The following PTPRN2 variants were observed in gnomAD, a reference collection of about 807,000 sequenced individuals.
PTPRN2 encodes receptor-type tyrosine-protein phosphatase N2.
PTPRN2 carries 74 observed loss-of-function variants against 118.8 expected under a neutral mutation model. The observed-to-expected ratio is 0.62, with a 90% CI of 0.52 to 0.76. The LOEUF (loss-of-function observed/expected upper bound fraction) is 0.76. PTPRN2 is among the 30% of genes least tolerant of loss of function. The pLI is 0.00. For synonymous variants in PTPRN2, 641 were observed against 608.0 expected (o/e 1.05, Z -0.80); for missense variants, 1,481 against 1,394.4 (o/e 1.06, Z -0.99).
intron 11 of PTPRN2, among the ~76,000 whole-genome samples, chr7:157,957,813 T>C (rs1801279530): frequency 6.6e-6 from 1 of 152,112 alleles, no homozygotes; most frequent in African/African-American, 2.4e-5. Flanking sequence ...TTACCAAACA[T>C]TTAAAGAAGG....
rs1273179429 is a variant in PTPRN2, at chr7:157,676,694, TG to T, written c.2001+6030del. 1.3e-5 allele frequency among the ~76,000 whole-genome samples: 2 copies of T among 152,194 alleles called. No homozygotes were observed. Among genetic ancestry groups the T allele is most frequent in the East Asian group, 3.9e-4 (2 of 5,182 alleles). ...CTCTCAGTTTATCTGCTGCTGACTT[TG>T]CCCCCTTGTAAAACAGGGTTGGGAG... is the stretch of plus-strand genomic sequence containing the variant. On this transcript the variant is annotated intron_variant, in intron 13 of 22. Transcript: ENST00000389418. The surrounding 1 kb of genome is among the most constrained non-coding windows in gnomAD (Gnocchi z 5.6).
At chr7:158,214,509 A>C (rs1365896399) in intron 3 of PTPRN2, among the ~76,000 whole-genome samples, 1 of 152,060 alleles carries the variant, frequency 6.6e-6, no homozygotes, top group Non-Finnish European at 1.5e-5. Flanking sequence ...AGATATTAAC[A>C]GCTCTACCCC....
chr7:158,561,767 G>A (rs1827399260), intron 1 of PTPRN2, among the ~76,000 whole-genome samples: 1 of 152,172 alleles, frequency 6.6e-6, no homozygotes, highest in African/African-American at 2.4e-5. Flanking sequence ...CTTCCGACAG[G>A]GGAGATGGCC....
Position 157,599,833 on chromosome 7 carries a change from C to T in PTPRN2, c.2418+4169G>A, listed in dbSNP as rs150198550. ...GCACACACCTCATCTGTAGGTATTT[C>T]TACCTGCCCACCTCTCCACCTGCCC... On this transcript the variant is annotated intron_variant, in intron 16 of 22. Transcript: ENST00000389418. 2.8e-3 allele frequency among the ~76,000 whole-genome samples: 420 copies of T among 151,888 alleles called. 4 individuals are homozygous for T. The highest frequency in any genetic ancestry group is 9.5e-3 in the African/African-American group (393 of 41,324).
Position 157,609,428 on chromosome 7 carries a change from T to G in PTPRN2, c.2345-5353A>C, listed in dbSNP as rs370071551. On this transcript the variant is annotated intron_variant, in intron 15 of 22. Transcript: ENST00000389418. The surrounding 1 kb of genome is among the most constrained non-coding windows in gnomAD (Gnocchi z 4.9). Reference sequence around the variant, plus strand: ...TATAAAAAAAAAGAGTATTTCAAATTTCTCAGATGTTCCATATTTTCACGG... The same window carrying G: ...TATAAAAAAAAAGAGTATTTCAAATGTCTCAGATGTTCCATATTTTCACGG... Among the ~76,000 whole-genome samples the G allele has an allele frequency of 1.8e-4, 27 of 152,230 alleles. No individual in the cohort carries two copies. Among genetic ancestry groups the G allele is most frequent in the Middle Eastern group, 3.4e-3 (1 of 294 alleles).
intron 2 of PTPRN2, among the ~76,000 whole-genome samples, chr7:158,368,226 G>C (rs987932317): frequency 6.6e-6 from 1 of 152,100 alleles, no homozygotes; most frequent in Admixed American, 6.5e-5. Flanking sequence ...CAGGATATTC[G>C]GCAGCAGGCT....
At chr7:157,907,007 C>T (rs1019558750) in intron 11 of PTPRN2, among the ~76,000 whole-genome samples, 17 of 152,206 alleles carry the variant, frequency 1.1e-4, no homozygotes, top group African/African-American at 3.6e-4. Flanking sequence ...ATCCCGAGAT[C>T]CTGACACCCT....
At chr7:158,275,428 G>A (rs1194949847) in intron 3 of PTPRN2, among the ~76,000 whole-genome samples, 2 of 152,158 alleles carry the variant, frequency 1.3e-5, no homozygotes, top group Non-Finnish European at 2.9e-5. Flanking sequence ...TTCCCAAAGA[G>A]CCTACCCAGC....
intron 2 of PTPRN2, among the ~76,000 whole-genome samples, chr7:158,336,399 C>G (rs1242340216): frequency 1.4e-5 from 2 of 140,116 alleles, no homozygotes; most frequent in Admixed American, 7.1e-5. Context: ...CACTCACACC[C>G]ACACTCTCAC....
At chr7:158,189,579 G>A (rs1825599390) in intron 5 of PTPRN2, among the ~76,000 whole-genome samples, 1 of 152,174 alleles carries the variant, frequency 6.6e-6, no homozygotes, top group Non-Finnish European at 1.5e-5. Flanking sequence ...GGGAAAGACA[G>A]GAAACTGCTT....
At chr7:158,225,473 T>C (rs1456245440) in intron 3 of PTPRN2, among the ~76,000 whole-genome samples, 2 of 152,202 alleles carry the variant, frequency 1.3e-5, no homozygotes, top group African/African-American at 4.8e-5. Context: ...TCAAGAAGGA[T>C]AGATGCTATA....
At chr7:157,562,063 G>A (rs1041945461) in intron 21 of PTPRN2, among the ~76,000 whole-genome samples, 14 of 152,154 alleles carry the variant, frequency 9.2e-5, no homozygotes, top group African/African-American at 2.4e-4. Context: ...CGCCCCCCAC[G>A]CCACAGAAAA....
At chr7:158,321,345 C>T (rs1247839979) in intron 2 of PTPRN2, among the ~76,000 whole-genome samples, 3 of 152,180 alleles carry the variant, frequency 2.0e-5, no homozygotes, top group African/African-American at 7.2e-5. Flanking sequence ...TCTTGGGACA[C>T]AGCCAGGACC....
In PTPRN2 at chr7:157,787,428, G is replaced by T. The variant is rs1804133634; in HGVS notation, c.1789-104491C>A. 1.3e-5 allele frequency among the ~76,000 whole-genome samples: 2 copies of T among 152,112 alleles called. No individual in the cohort carries two copies. The highest frequency in any genetic ancestry group is 2.4e-5 in the African/African-American group (1 of 41,432). On this transcript the variant is annotated intron_variant, in intron 12 of 22. Coordinates refer to ENST00000389418, the MANE Select transcript of PTPRN2 (RefSeq NM_002847.5). The surrounding 1 kb of genome is among the most constrained non-coding windows in gnomAD (Gnocchi z 5.3). The stretch of plus-strand genomic sequence containing the variant: ...GTCTGGCGCAGCAGCCGGTGGGCCT[G>T]GGGGGCGCGTGGACTCCCAGCTGTT...
intron 11 of PTPRN2, among the ~76,000 whole-genome samples, chr7:157,951,633 C>T (rs949096432): frequency 6.6e-6 from 1 of 152,226 alleles, no homozygotes; most frequent in Non-Finnish European, 1.5e-5. Context: ...ACGATGTTCC[C>T]GTGATCAGAA....
chr7:158,260,059 G>A (rs551929880), intron 3 of PTPRN2, among the ~76,000 whole-genome samples: 3 of 152,354 alleles, frequency 2.0e-5, no homozygotes, highest in East Asian at 3.9e-4. Flanking sequence ...GTGTGTGCAT[G>A]CACATATTTG....
chr7:158,373,094 C>A (rs183842226), intron 2 of PTPRN2, among the ~76,000 whole-genome samples: 5 of 152,356 alleles, frequency 3.3e-5, no homozygotes, highest in Admixed American at 6.5e-5. Context: ...GACTTCCAGG[C>A]AGAGGAAACT....
At chr7:157,996,572 C>A (rs1390956836) in intron 11 of PTPRN2, among the ~76,000 whole-genome samples, 1 of 152,234 alleles carries the variant, frequency 6.6e-6, no homozygotes, top group Non-Finnish European at 1.5e-5. Context: ...GCTCCCACCA[C>A]CCCGAGGGCC....
chr7:157,963,525 C>T (rs1405633290), intron 11 of PTPRN2, among the ~76,000 whole-genome samples: 1 of 152,276 alleles, frequency 6.6e-6, no homozygotes, highest in African/African-American at 2.4e-5. Flanking sequence ...AGTTCAGTTG[C>T]TAACCAGCCC....
Sources: allele counts gnomAD v4.1 joint callset (sites outside exome capture counted in the v4.1 genomes callset), GRCh38; gene constraint gnomAD v4.1.1; non-coding constraint Gnocchi (gnomAD v3.1); transcripts MANE v1.5; gene names NCBI Gene and HGNC (gene_info 2026-07-23, HGNC 2026-07-21).